DNMT3B: variants seen among roughly 807,000 people sequenced by gnomAD.
DNMT3B encodes the protein DNA (cytosine-5)-methyltransferase 3B.
A neutral mutation model predicts 120.2 loss-of-function variants in DNMT3B; 37 were observed. The ratio of observed to expected loss-of-function variants is 0.31; its 90% CI spans 0.24 to 0.40. DNMT3B has a LOEUF of 0.40. DNMT3B is among the 10% of genes least tolerant of loss of function. The pLI is 1.00. For synonymous variants in DNMT3B, 412 were observed against 442.8 expected, an observed-to-expected ratio of 0.93 and a Z score of 0.87; for missense variants, 878 against 1,137.3, an observed-to-expected ratio of 0.77 and a Z score of 3.28.
At chr20:32,774,875 C>A (rs866577309) in intron 1 of DNMT3B, among the ~76,000 whole-genome samples, 2 of 152,064 alleles carry the variant, frequency 1.3e-5, no homozygotes, top group Non-Finnish European at 2.9e-5. Flanking sequence ...CCCACCACCA[C>A]GACCGGCTAA....
At chr20:32,783,952 C>G (rs1978942772) in intron 3 of DNMT3B, among the ~76,000 whole-genome samples, 1 of 151,016 alleles carries the variant, frequency 6.6e-6, no homozygotes, top group Non-Finnish European at 1.5e-5. Context: ...CTCTTGTTCC[C>G]CAAGCTAGAG....
chr20:32,775,705 G>C (rs2145881589), intron 1 of DNMT3B, among the ~76,000 whole-genome samples: 1 of 152,384 alleles, frequency 6.6e-6, no homozygotes, highest in Admixed American at 6.5e-5. Flanking sequence ...ACGCTCAGCT[G>C]GTATATCATG....
chr20:32,788,207 C>T (rs1158526874), intron 6 of DNMT3B, among the ~76,000 whole-genome samples: 2 of 152,278 alleles, frequency 1.3e-5, no homozygotes, highest in East Asian at 3.9e-4. Flanking sequence ...AGAGGCCTGA[C>T]AATACATATT....
chr20:32,773,419 G>T (rs998355668), intron 1 of DNMT3B, among the ~76,000 whole-genome samples: 1 of 152,134 alleles, frequency 6.6e-6, no homozygotes, highest in African/African-American at 2.4e-5. Flanking sequence ...GGAGGGTGAT[G>T]GGGTGGATAC....
Position 32,796,601 on chromosome 20 carries a change from C to A in DNMT3B, c.1298-189C>A, listed in dbSNP as rs546255319. Among the ~76,000 whole-genome samples, 25 of 152,270 alleles carry A rather than the reference C, an allele frequency of 1.6e-4. 1 individual carries two copies. In the South Asian group the frequency reaches 4.8e-3, roughly 29 times the overall value. ...CCTTGCCCATCTTGATGTTCCCCATCTGTGAAGTAGGGATGCCACCTGGAA... is the reference window on the plus strand; with the variant it reads ...CCTTGCCCATCTTGATGTTCCCCATATGTGAAGTAGGGATGCCACCTGGAA... On this transcript the variant is annotated intron_variant, in intron 12 of 22. Transcript: ENST00000328111.
chr20:32,781,504 A>G (rs1978623554), intron 3 of DNMT3B, 90 bp downstream of exon 3: 1 of 1,391,422 alleles, frequency 7.2e-7, no homozygotes, highest in Non-Finnish European at 1.0e-6. Flanking sequence ...AAAAACTGGC[A>G]TCTGCAAATG....
chr20:32,774,431 GA>G (rs1987946468), intron 1 of DNMT3B, among the ~76,000 whole-genome samples: 2 of 150,918 alleles, frequency 1.3e-5, no homozygotes, highest in Admixed American at 1.3e-4. Context: ...GGATGGTCTC[GA>G]GCTCCTGACC....
intron 7 of DNMT3B, 38 bp downstream of exon 7, chr20:32,789,050 A>C (rs754396044): frequency 6.2e-7 from 1 of 1,609,290 alleles, no homozygotes; most frequent in East Asian, 2.2e-5. Context: ...TGCAGGCCTG[A>C]GGCTGTGCCT....
At chr20:32,791,464 C>G in intron 7 of DNMT3B, 137 bp from the exon 8 acceptor site, 1 of 828,458 alleles carries the variant, frequency 1.2e-6, no homozygotes. Flanking sequence ...AAATAGATGT[C>G]TGTGGACTTT....
intron 17 of DNMT3B, among the ~76,000 whole-genome samples, chr20:32,800,536 G>T (rs921190519): frequency 6.6e-6 from 1 of 152,162 alleles, no homozygotes. Context: ...TCAGCTCACT[G>T]TAACCTCTGC....
chr20:32,772,167 C>G (rs575949916), intron 1 of DNMT3B, among the ~76,000 whole-genome samples: 1 of 152,288 alleles, frequency 6.6e-6, no homozygotes, highest in Admixed American at 6.5e-5. Context: ...GGGACTGCAG[C>G]AACCCCCTTG....
At chr20:32,794,276 C>G (rs1159327247) in intron 10 of DNMT3B, among the ~76,000 whole-genome samples, 2 of 137,292 alleles carry the variant, frequency 1.5e-5, no homozygotes, top group African/African-American at 5.6e-5. Context: ...CCCAGGAAGT[C>G]AGGCTGCAGT....
chr20:32,807,918 CA>C lies in DNMT3B; in HGVS notation c.*17del. 1 of 1,614,094 alleles carries C rather than the reference CA, an allele frequency of 6.2e-7. No individual in the cohort carries two copies. ...CATGTGAATAGTTCCAGCCAGGCCC[CA>C]AGCCCACTGGGGTGTGTGGCAGAGC... is the stretch of plus-strand genomic sequence containing the variant. On this transcript the variant is annotated 3_prime_UTR_variant, in exon 23 of 23. Transcript: ENST00000328111.
At position 32,797,428 on chromosome 20, in the gene DNMT3B, G is replaced by A. The variant is rs967128367; in HGVS notation, c.1490+129G>A. The A allele has an allele frequency of 7.2e-6, 6 of 835,938 alleles. No individual in the cohort carries two copies. The African/African-American group carries it at 1.0e-4, about 14-fold the overall frequency. The allele number at this position is 835,938 out of a possible 1,614,324, so 51.8% of individuals were successfully genotyped here. On this transcript the variant is annotated intron_variant, in intron 14 of 22. Coordinates refer to ENST00000328111, the MANE Select transcript of DNMT3B (RefSeq NM_006892.4). Reference sequence around the variant, plus strand: ...AATAGGGAGCTAATTTGCCCTGGAAGCAGCACACAGGGTTTATATTTTGTG... The same window carrying A: ...AATAGGGAGCTAATTTGCCCTGGAAACAGCACACAGGGTTTATATTTTGTG...
intron 4 of DNMT3B, among the ~76,000 whole-genome samples, chr20:32,786,078 T>G (rs892304009): frequency 1.3e-5 from 2 of 152,180 alleles, no homozygotes; most frequent in African/African-American, 4.8e-5. Context: ...GAGATGGGGT[T>G]TCACCATTTT....
chr20:32,763,503 G>A (rs932987908), intron 1 of DNMT3B, among the ~76,000 whole-genome samples: 2 of 152,214 alleles, frequency 1.3e-5, no homozygotes, highest in Admixed American at 1.3e-4. Context: ...ACTCCCGTGT[G>A]CGGCTGGCCC....
In DNMT3B at chr20:32,780,328, A is replaced by T; in HGVS notation, c.5A>T (p.Lys2Met). The T allele has an allele frequency of 6.2e-7, 1 of 1,613,982 alleles. No homozygotes were observed. The highest frequency in any genetic ancestry group is 8.5e-7 in the Non-Finnish European group (1 of 1,180,010). The change falls in exon 2 of 23, where the codon AAG becomes ATG. Residue 2 changes from lysine to methionine, a missense_variant. Transcript: ENST00000328111. Reference protein sequence around the residue: MKGDTRHLNGEE... With the variant: MMGDTRHLNGEE... ...TGGCTTCTCCCACAGGAAAGCATGA[A>T]GGGAGACACCAGGCATCTCAATGGA...
chr20:32,768,058 C>T (rs1987493142), intron 1 of DNMT3B, among the ~76,000 whole-genome samples: 1 of 152,164 alleles, frequency 6.6e-6, no homozygotes, highest in South Asian at 2.1e-4. Context: ...CACTCTGTTG[C>T]TTAGGCTGGA....
Position 32,806,231 on chromosome 20 carries a change from C to T in DNMT3B, c.2324C>T (p.Thr775Ile). The change falls in exon 22 of 23, where the codon ACC becomes ATC. Residue 775 changes from threonine to isoleucine, a missense_variant. By Grantham distance (89) the Thr-to-Ile change is moderately conservative. This residue lies in a region of DNMT3B where 334 missense variants were observed against 518.8 expected (regional missense o/e 0.64). Transcript: ENST00000328111. ...IAKLKKVQTI[T>I]TKSNSIKQGK... ...CAGTTAAAGAAAGTACAGACAATAA[C>T]CACCAAGTCGAACTCGATCAAACAG... is the stretch of plus-strand genomic sequence containing the variant. 1 of 1,614,176 alleles carries T rather than the reference C, an allele frequency of 6.2e-7. No homozygotes were observed. Among genetic ancestry groups the T allele is most frequent in the Non-Finnish European group, 8.5e-7 (1 of 1,180,034 alleles).
Sources: gnomAD v4.1 joint callset for allele counts (sites outside exome capture counted in the v4.1 genomes callset) on GRCh38, gnomAD v4.1.1 for gene constraint, gnomAD v4.1.1 regional missense constraint, MANE v1.5 for transcripts, NCBI Gene and HGNC (gene_info 2026-07-23, HGNC 2026-07-21) for gene names.